The following DPP10 variants were observed in gnomAD, a reference collection of about 807,000 sequenced individuals.
DPP10 encodes inactive dipeptidyl peptidase 10.
In DPP10, 33 loss-of-function variants were observed where a neutral mutation model predicts 120.9. The ratio of observed to expected loss-of-function variants is 0.27; its 90% confidence interval spans 0.21 to 0.37. The LOEUF is 0.37. Among genes scored for constraint, DPP10 ranks in the 10% least tolerant of loss-of-function variants. DPP10 has a pLI of 1.00. For synonymous variants in DPP10, 337 were observed against 326.1 expected (o/e 1.03, Z -0.36); for missense variants, 816 against 942.8 (o/e 0.87, Z 1.76).
intron 21 of DPP10, among the ~76,000 whole-genome samples, chr2:115,833,638 G>A (rs7569735): frequency 0.29 from 44,155 of 151,992 alleles, 6,620 homozygotes; most frequent in Middle Eastern, 0.45. Context: ...GACCCTATGT[G>A]ATGGGTCACA....
intron 1 of DPP10, among the ~76,000 whole-genome samples, chr2:115,243,978 A>C (rs2058405273): frequency 6.6e-6 from 1 of 151,336 alleles, no homozygotes; most frequent in African/African-American, 2.4e-5. Flanking sequence ...TTGAAACCCA[A>C]AGTTGTTTAT....
intron 1 of DPP10, among the ~76,000 whole-genome samples, chr2:114,813,454 T>G (rs1020848566): frequency 6.6e-6 from 1 of 152,222 alleles, no homozygotes; most frequent in Admixed American, 6.5e-5. Context: ...CAGTAAATAG[T>G]GTCTCTACAT....
At chr2:114,732,983 A>C (rs1311937828) in intron 1 of DPP10, among the ~76,000 whole-genome samples, 5 of 152,272 alleles carry the variant, frequency 3.3e-5, no homozygotes, top group African/African-American at 1.2e-4. Flanking sequence ...ATTTCACTGC[A>C]CCCACTGCTG....
intron 2 of DPP10, among the ~76,000 whole-genome samples, chr2:115,341,262 G>GT (rs1317772914): frequency 2.0e-3 from 307 of 150,960 alleles, no homozygotes; most frequent in African/African-American, 6.2e-3. Flanking sequence ...TTTTTTAATA[G>GT]TTTTTTTTTA....
Position 115,078,876 on chromosome 2 carries a change from A to G in DPP10, c.61-230363A>G, listed in dbSNP as rs116653335. ...GTAACACCATAATTACTATACAATA[A>G]TATTTTGATTATTTTGACCTCTATA... On this transcript the variant is annotated intron_variant, in intron 1 of 25. Coordinates refer to ENST00000410059, the MANE Select transcript of DPP10 (RefSeq NM_020868.6). 1.4e-3 allele frequency among the ~76,000 whole-genome samples: 206 copies of G among 152,314 alleles called. 1 individual carries two copies. Among genetic ancestry groups the G allele is most frequent in the African/African-American group, 4.9e-3 (202 of 41,576 alleles).
At chr2:115,840,942 G>A in intron 25 of DPP10, 119 bp downstream of exon 25, 2 of 780,732 alleles carry the variant, frequency 2.6e-6, no homozygotes, top group Non-Finnish European at 3.8e-6. Flanking sequence ...ATGTTTTTTA[G>A]TTACCAAAGA....
chr2:114,508,003 C>A (rs1180743364), intron 1 of DPP10, among the ~76,000 whole-genome samples: 1 of 151,982 alleles, frequency 6.6e-6, no homozygotes, highest in Non-Finnish European at 1.5e-5. Context: ...TTTTTTCCTT[C>A]TTTGCTTCCA....
At chr2:114,688,875 A>T (rs1699546322) in intron 1 of DPP10, among the ~76,000 whole-genome samples, 1 of 151,680 alleles carries the variant, frequency 6.6e-6, no homozygotes, top group Non-Finnish European at 1.5e-5. Context: ...CATATTTTTC[A>T]TTGATATTTT....
At chr2:115,576,115 G>T (rs769686298) in intron 5 of DPP10, among the ~76,000 whole-genome samples, 8 of 152,150 alleles carry the variant, frequency 5.3e-5, no homozygotes, top group Non-Finnish European at 1.2e-4. Flanking sequence ...CATTTGTATT[G>T]TTTGAAGCTA....
chr2:115,160,270 A>G (rs1350557489), intron 1 of DPP10, among the ~76,000 whole-genome samples: 1 of 151,894 alleles, frequency 6.6e-6, no homozygotes, highest in Non-Finnish European at 1.5e-5. Context: ...TTTGAAAAAC[A>G]AGATCTCCAC....
At chr2:114,965,964 CAAAAAAAAAAAA>C (rs57107624) in intron 1 of DPP10, among the ~76,000 whole-genome samples, 7 of 74,820 alleles carry the variant, frequency 9.4e-5, no homozygotes, top group East Asian at 4.7e-4. Flanking sequence ...GACTCCTTCT[CAAAAAAAAAAAA>C]AAAAAAAAAA....
At chr2:115,095,714 T>C (rs1182217110) in intron 1 of DPP10, among the ~76,000 whole-genome samples, 2 of 151,878 alleles carry the variant, frequency 1.3e-5, no homozygotes, top group African/African-American at 4.8e-5. Flanking sequence ...GAACAAAATA[T>C]GCAATTAAAT....
At chr2:114,856,440 A>T (rs1051648871) in intron 1 of DPP10, among the ~76,000 whole-genome samples, 7 of 152,332 alleles carry the variant, frequency 4.6e-5, no homozygotes, top group African/African-American at 1.7e-4. Context: ...TCAATGTGTC[A>T]ATATGTCATC....
intron 1 of DPP10, among the ~76,000 whole-genome samples, chr2:114,905,218 C>G (rs1171496924): frequency 6.6e-6 from 1 of 151,688 alleles, no homozygotes; most frequent in Admixed American, 6.6e-5. Context: ...CTGCTAAAAA[C>G]TACCTGAGAT....
At chr2:114,632,503 GTTTTTTTTTTTTTTTT>G (rs756591992) in intron 1 of DPP10, among the ~76,000 whole-genome samples, 1 of 88,622 alleles carries the variant, frequency 1.1e-5, no homozygotes, top group East Asian at 4.4e-4. Flanking sequence ...TGGACTTAGG[GTTTTTTTTTTTTTTTT>G]TTTTTTTTTT....
In DPP10 at chr2:114,919,127, A is replaced by G. The variant is rs150467230; in HGVS notation, c.61-390112A>G. ...TCAATGATCACTCCAAGTTTTATTGAGATGAGGAAAGACTGAGGGAGGAGG... is the reference window on the plus strand; with the variant it reads ...TCAATGATCACTCCAAGTTTTATTGGGATGAGGAAAGACTGAGGGAGGAGG... On this transcript the variant is annotated intron_variant, in intron 1 of 25. Coordinates refer to ENST00000410059, the MANE Select transcript of DPP10 (RefSeq NM_020868.6). Among the ~76,000 whole-genome samples, 1,003 of 151,936 alleles carry G rather than the reference A, an allele frequency of 6.6e-3. 17 individuals carry two copies. The highest frequency in any genetic ancestry group is 0.023 in the African/African-American group (962 of 41,446).
chr2:115,140,736 A>T (rs1559139325), intron 1 of DPP10, among the ~76,000 whole-genome samples: 1 of 152,086 alleles, frequency 6.6e-6, no homozygotes, highest in South Asian at 2.1e-4. Context: ...TAGGAGAGAG[A>T]AGTGAAGAGA....
At chr2:115,332,137 C>T (rs1179526976) in intron 2 of DPP10, among the ~76,000 whole-genome samples, 3 of 152,080 alleles carry the variant, frequency 2.0e-5, no homozygotes, top group Non-Finnish European at 2.9e-5. Flanking sequence ...TCAACTTCTT[C>T]CTGGTTTAGT....
At chr2:115,774,975 T>C (rs756327153) in intron 13 of DPP10, among the ~76,000 whole-genome samples, 6 of 152,128 alleles carry the variant, frequency 3.9e-5, no homozygotes, top group Non-Finnish European at 7.4e-5. Context: ...GAAATTGAAT[T>C]GCACAAATAA....
Sources: gnomAD v4.1 joint callset for allele counts (sites outside exome capture counted in the v4.1 genomes callset) on GRCh38, gnomAD v4.1.1 for gene constraint, MANE v1.5 for transcripts, NCBI Gene and HGNC (gene_info 2026-07-23, HGNC 2026-07-21) for gene names.